CACNA2D1: variants seen among roughly 807,000 people sequenced by gnomAD.
CACNA2D1 encodes the protein calcium voltage-gated channel auxiliary subunit alpha2delta 1.
In CACNA2D1, 53 loss-of-function variants were observed where a neutral mutation model predicts 171.5. That is an observed-to-expected ratio of 0.31 (90% confidence interval 0.25 to 0.39). The LOEUF (loss-of-function observed/expected upper bound fraction) is 0.39, where lower values mean the gene tolerates loss of function less well. CACNA2D1 is among the 10% of genes least tolerant of loss of function. The pLI, the probability that CACNA2D1 is intolerant of heterozygous loss-of-function variation, is 1.00. For missense variants in CACNA2D1, 903 were observed against 1,299.8 expected, an observed-to-expected ratio of 0.69 and a Z score of 4.69; for synonymous variants, 442 against 443.1, an observed-to-expected ratio of 1.00 and a Z score of 0.03.
At chr7:82,265,791 A>T (rs1364003163) in intron 3 of CACNA2D1, among the ~76,000 whole-genome samples, 1 of 152,108 alleles carries the variant, frequency 6.6e-6, no homozygotes, top group Non-Finnish European at 1.5e-5. Context: ...TGACTTTTCA[A>T]TCATTGCCCT....
intron 1 of CACNA2D1, among the ~76,000 whole-genome samples, chr7:82,382,662 CTAAG>C (rs1275521664): frequency 1.3e-5 from 2 of 152,148 alleles, no homozygotes; most frequent in Non-Finnish European, 2.9e-5. Flanking sequence ...TATTAGTTGT[CTAAG>C]TAAGTGTAAG....
chr7:82,163,752 G>A (rs774065765), intron 4 of CACNA2D1, among the ~76,000 whole-genome samples: 5 of 151,944 alleles, frequency 3.3e-5, no homozygotes, highest in Non-Finnish European at 7.4e-5. Context: ...GGCAAACATA[G>A]TACAACAGTA....
intron 1 of CACNA2D1, among the ~76,000 whole-genome samples, chr7:82,358,948 A>C (rs1365665159): frequency 2.0e-5 from 3 of 152,148 alleles, no homozygotes; most frequent in African/African-American, 7.2e-5. Flanking sequence ...AACAAATAAA[A>C]ATTATACTTT....
intron 22 of CACNA2D1, 109 bp from the exon 23 acceptor site, chr7:81,983,443 T>C (rs1584285820): frequency 4.8e-6 from 4 of 834,702 alleles, no homozygotes; most frequent in East Asian, 2.7e-5. Context: ...AATAAAAATA[T>C]TGTGCATAGA....
intron 3 of CACNA2D1, among the ~76,000 whole-genome samples, chr7:82,314,971 T>A (rs569353362): frequency 1.4e-5 from 2 of 142,164 alleles, no homozygotes; most frequent in Non-Finnish European, 3.0e-5. Context: ...GTTAAGCATA[T>A]TATCTTTTTT....
At position 82,073,557 on chromosome 7, in the gene CACNA2D1, G is replaced by T. The variant is rs532788675; in HGVS notation, c.659-7033C>A. 9.4e-4 allele frequency among the ~76,000 whole-genome samples: 143 copies of T among 152,182 alleles called. 1 individual carries two copies. Among genetic ancestry groups the T allele is most frequent in the South Asian group, 1.7e-3 (8 of 4,816 alleles). ...TATCTGTGAGAACAAAATAAAGAAAGATTGCTTTGGGGGCAAGTCTTCATA... is the reference window on the plus strand; with the variant it reads ...TATCTGTGAGAACAAAATAAAGAAATATTGCTTTGGGGGCAAGTCTTCATA... On this transcript the variant is annotated intron_variant, in intron 7 of 38. Coordinates refer to ENST00000356860, the MANE Select transcript of CACNA2D1 (RefSeq NM_000722.4).
rs190375023 is a variant in CACNA2D1, at chr7:82,134,582, C to T, written c.396+2053G>A. Among the ~76,000 whole-genome samples the T allele has an allele frequency of 1.6e-3, 248 of 152,244 alleles. 3 individuals are homozygous for T. The highest frequency in any genetic ancestry group is 0.015 in the East Asian group (77 of 5,178). On this transcript the variant is annotated intron_variant, in intron 5 of 38. Transcript: ENST00000356860. ...TTTAAATTTAAATGTGGACATTTTA[C>T]TATTTATAAGGCTTTAATTTGCTAA... is the stretch of plus-strand genomic sequence containing the variant.
chr7:82,213,261 T>C (rs1800755150), intron 3 of CACNA2D1, among the ~76,000 whole-genome samples: 1 of 152,166 alleles, frequency 6.6e-6, no homozygotes. Flanking sequence ...CTATATAATA[T>C]GATAAACTGC....
At chr7:82,239,552 C>T (rs185090890) in intron 3 of CACNA2D1, among the ~76,000 whole-genome samples, 65 of 152,242 alleles carry the variant, frequency 4.3e-4, no homozygotes, top group African/African-American at 1.4e-3. Context: ...TTATTGTTCT[C>T]TTTAAGAAGC....
intron 3 of CACNA2D1, among the ~76,000 whole-genome samples, chr7:82,174,426 T>C (rs1044284334): frequency 2.2e-4 from 34 of 152,198 alleles, no homozygotes; most frequent in Non-Finnish European, 3.8e-4. Context: ...TTATAAAAAG[T>C]AATAGATGTG....
In CACNA2D1 at chr7:81,962,001, G is replaced by A. The variant is rs779198149; in HGVS notation, c.2859C>T (p.Phe953=). Residue 953 remains phenylalanine (F), a synonymous_variant, in exon 36 of 39, where the codon TTC becomes TTT. Coordinates refer to ENST00000356860, the MANE Select transcript of CACNA2D1 (RefSeq NM_000722.4). ...LEAVEMEDDD[F]TASLSKQSCI... ...AGCTCTGCTTGGACAGGGAGGCCGT[G>A]AAGTCATCATCCTCCATCTCAACTT... 14 of 1,612,252 alleles carry A rather than the reference G, an allele frequency of 8.7e-6. No individual in the cohort carries two copies. Among genetic ancestry groups the A allele is most frequent in the South Asian group, 7.7e-5 (7 of 91,046 alleles).
chr7:82,305,512 C>CGGTA (rs1270292919), intron 3 of CACNA2D1, among the ~76,000 whole-genome samples: 2 of 152,090 alleles, frequency 1.3e-5, no homozygotes, highest in Non-Finnish European at 2.9e-5. Flanking sequence ...CACAGCCTAC[C>CGGTA]ATCCATTATT....
chr7:82,245,762 G>A (rs1804845941), intron 3 of CACNA2D1, among the ~76,000 whole-genome samples: 1 of 151,780 alleles, frequency 6.6e-6, no homozygotes, highest in South Asian at 2.1e-4. Flanking sequence ...TTTGATCTAG[G>A]AGAAACTGGT....
intron 3 of CACNA2D1, among the ~76,000 whole-genome samples, chr7:82,255,753 T>C (rs918500246): frequency 6.6e-6 from 1 of 152,254 alleles, no homozygotes; most frequent in Non-Finnish European, 1.5e-5. Flanking sequence ...GAGGTAATGC[T>C]TGATTGCTCA....
rs1444322086 is a variant in CACNA2D1, at chr7:82,138,452, T to TG, written c.355-1777_355-1776insC. ...TTTTGTTTTTTTTGTTTTTTTTGTT[T>TG]TTTTTTTTTTTTGAGACAGAGTGTC... On this transcript the variant is annotated intron_variant, in intron 4 of 38. Coordinates refer to ENST00000356860, the MANE Select transcript of CACNA2D1 (RefSeq NM_000722.4). 5.5e-3 allele frequency among the ~76,000 whole-genome samples: 505 copies of TG among 91,660 alleles called. 2 individuals carry two copies. Among genetic ancestry groups the TG allele is most frequent in the African/African-American group, 0.024 (478 of 20,010 alleles). The allele number at this position is 91,660 out of a possible 152,430, so 60.1% of individuals were successfully genotyped here. A position where few individuals can be genotyped will look rare whatever the true frequency, so the allele number is the denominator to read the frequency against.
intron 3 of CACNA2D1, among the ~76,000 whole-genome samples, chr7:82,282,713 G>GGGGA (rs1554495184): frequency 6.9e-6 from 1 of 145,122 alleles, no homozygotes; most frequent in African/African-American, 2.6e-5. Context: ...GTGGGGGGGG[G>GGGGA]AATCACAGAG....
At chr7:82,025,810 T>C (rs1801821722) in intron 12 of CACNA2D1, among the ~76,000 whole-genome samples, 1 of 151,722 alleles carries the variant, frequency 6.6e-6, no homozygotes. Flanking sequence ...TTGGTTATAG[T>C]GTTGTTCAAG....
At chr7:82,035,992 C>G (rs1028318325) in intron 11 of CACNA2D1, among the ~76,000 whole-genome samples, 1 of 152,132 alleles carries the variant, frequency 6.6e-6, no homozygotes, top group African/African-American at 2.4e-5. Context: ...TCTTCTTAAT[C>G]TAACGGTGTC....
intron 10 of CACNA2D1, among the ~76,000 whole-genome samples, chr7:82,056,009 TAA>T (rs61512655): frequency 1.4e-4 from 6 of 42,190 alleles, no homozygotes; most frequent in South Asian, 1.5e-3. Flanking sequence ...ACTCAAAAGT[TAA>T]AAAAAAAAAA....
Sources: allele counts gnomAD v4.1 joint callset (sites outside exome capture counted in the v4.1 genomes callset), GRCh38; gene constraint gnomAD v4.1.1; transcripts MANE v1.5; gene names NCBI Gene and HGNC (gene_info 2026-07-23, HGNC 2026-07-21).